GPHN: variants seen among roughly 807,000 people sequenced by gnomAD.
GPHN encodes the protein gephyrin.
GPHN carries 17 observed loss-of-function variants against 95.5 expected under a neutral mutation model. The ratio of observed to expected loss-of-function variants is 0.18; its 90% CI spans 0.12 to 0.27. GPHN has a LOEUF of 0.27. Ranked by LOEUF, GPHN falls within the 10% of genes least tolerant of loss-of-function variation. The probability of loss-of-function intolerance (pLI) is 1.00; values close to 1 mark genes in which losing one functional copy is unlikely to be tolerated. For synonymous variants in GPHN, 320 were observed against 322.5 expected (o/e 0.99, Z 0.08); for missense variants, 660 against 978.1 (o/e 0.67, Z 4.34).
chr14:67,484,065 G>GCTGT, the GPHN span, among the ~76,000 whole-genome samples: 1 of 152,218 alleles, frequency 6.6e-6, no homozygotes, highest in Non-Finnish European at 1.5e-5. Context: ...TCTCAGCTGA[G>GCTGT]CTGTCATATC....
chr14:67,715,035 C>T, the GPHN span: 1 of 152,240 alleles, frequency 6.6e-6, no homozygotes, highest in South Asian at 2.1e-4. Flanking sequence ...AGTCTAAGGG[C>T]CAAGATAACT....
At chr14:67,323,615 AATATAT>A in the GPHN span, 65 of 260,298 alleles carry the variant, frequency 2.5e-4, no homozygotes, top group Middle Eastern at 1.4e-3. Context: ...CCCTTAATCT[AATATAT>A]ATATATATAT....
chr14:67,188,983 G>T, the GPHN span, among the ~76,000 whole-genome samples: 2 of 151,986 alleles, frequency 1.3e-5, no homozygotes, highest in African/African-American at 4.8e-5. Context: ...GAGCCACTGC[G>T]CCCGGCCTCA....
the GPHN span, chr14:67,473,532 A>G: frequency 6.2e-7 from 1 of 1,614,124 alleles, no homozygotes; most frequent in East Asian, 2.2e-5. This position sits in a 1 kb window ranked among gnomAD's most constrained non-coding sequence, Gnocchi z 6.5. Context: ...GAACTGCTCC[A>G]TGATGAGGGC....
intron 1 of GPHN, among the ~76,000 whole-genome samples, chr14:66,626,884 T>C (rs67205190): frequency 0.31 from 47,785 of 151,978 alleles, 11,533 homozygotes; most frequent in African/African-American, 0.65. Flanking sequence ...TTTGTGATCC[T>C]ACAAATTATA....
chr14:66,511,052 C>G (rs1394244681), intron 1 of GPHN, among the ~76,000 whole-genome samples: 2 of 152,150 alleles, frequency 1.3e-5, no homozygotes, highest in Non-Finnish European at 2.9e-5. Flanking sequence ...AGAAGTAACT[C>G]AGGCTTTTTC....
the GPHN span, among the ~76,000 whole-genome samples, chr14:67,207,582 G>A: frequency 6.6e-6 from 1 of 152,086 alleles, no homozygotes; most frequent in Non-Finnish European, 1.5e-5. Context: ...AGGGGCAGTG[G>A]AAAGAAGAAG....
the GPHN span, among the ~76,000 whole-genome samples, chr14:67,639,956 G>T: frequency 6.8e-6 from 1 of 147,712 alleles, no homozygotes; most frequent in African/African-American, 2.5e-5. Context: ...AAAAGTCTGT[G>T]CAGTCCAGGA....
the GPHN span, chr14:67,727,633 A>T: frequency 9.1e-6 from 2 of 218,906 alleles, no homozygotes; most frequent in Admixed American, 1.1e-4. Flanking sequence ...CAAGCACGCA[A>T]TATCACGCCT....
chr14:67,302,752 A>T, the GPHN span, among the ~76,000 whole-genome samples: 7 of 152,006 alleles, frequency 4.6e-5, no homozygotes, highest in Admixed American at 3.9e-4. Context: ...TACCACTGAT[A>T]TTTTTTTACT....
At chr14:66,871,431 C>T (rs2063429577) in intron 4 of GPHN, among the ~76,000 whole-genome samples, 1 of 152,124 alleles carries the variant, frequency 6.6e-6, no homozygotes, top group Non-Finnish European at 1.5e-5. Context: ...TTAACACTAT[C>T]CAAGAAGTTC....
rs141770429 is a variant in GPHN at position 66,904,610 on chromosome 14, C to A, written c.390-11393C>A. Among the ~76,000 whole-genome samples the A allele has an allele frequency of 5.0e-3, 764 of 152,258 alleles. 2 individuals are homozygous for A. The highest frequency in any genetic ancestry group is 8.0e-3 in the Non-Finnish European group (541 of 67,992). On this transcript the variant is annotated intron_variant, in intron 5 of 22. Transcript: ENST00000478722. ...GACCCAGGAAGTCCAGCTGGCTTCA[C>A]CTCTCAATGCCCCCTTTAGACAGGA...
At chr14:66,990,179 A>G (rs1387527508) in intron 9 of GPHN, among the ~76,000 whole-genome samples, 2 of 152,080 alleles carry the variant, frequency 1.3e-5, no homozygotes, top group Non-Finnish European at 2.9e-5. Flanking sequence ...CATCAGATCT[A>G]GTGAGAACTC....
At chr14:66,902,872 G>T (rs2065186899) in intron 5 of GPHN, among the ~76,000 whole-genome samples, 1 of 152,030 alleles carries the variant, frequency 6.6e-6, no homozygotes, top group Non-Finnish European at 1.5e-5. Flanking sequence ...TGGCCGCATA[G>T]AATGACTTTG....
chr14:67,574,389 G>A, the GPHN span: 9 of 1,576,184 alleles, frequency 5.7e-6, no homozygotes, highest in East Asian at 1.8e-4. The surrounding 1 kb of genome is among the most constrained non-coding windows in gnomAD (Gnocchi z 4.2). Context: ...CACCGTGAAG[G>A]GCTGGCTGAC....
intron 2 of GPHN, among the ~76,000 whole-genome samples, chr14:66,687,732 G>T (rs186754053): frequency 2.0e-5 from 3 of 151,834 alleles, no homozygotes; most frequent in African/African-American, 4.8e-5. Context: ...CAGGTGATCC[G>T]CCCACCTCGG....
chr14:67,717,615 C>T, the GPHN span, among the ~76,000 whole-genome samples: 6 of 152,224 alleles, frequency 3.9e-5, no homozygotes, highest in African/African-American at 1.2e-4. Context: ...GGTGATTTTG[C>T]CCCATAGTGA....
At position 67,017,477 on chromosome 14, in the gene GPHN, A is replaced by G. The variant is rs1479351412; in HGVS notation, c.964-6156A>G. Among the ~76,000 whole-genome samples the G allele has an allele frequency of 3.3e-5, 5 of 152,090 alleles. 1 individual carries two copies. In the South Asian group the frequency reaches 8.3e-4, roughly 25 times the overall value. On this transcript the variant is annotated intron_variant, in intron 9 of 22. Coordinates refer to ENST00000478722, the MANE Select transcript of GPHN (RefSeq NM_020806.5). The stretch of plus-strand genomic sequence containing the variant: ...TCCTTCCTCTTAATCTTATGAGTAG[A>G]TGGTACTCAAAGAAGTTCATTCTTT...
intron 4 of GPHN, among the ~76,000 whole-genome samples, chr14:66,854,304 A>T (rs1360887051): frequency 2.0e-5 from 3 of 152,166 alleles, no homozygotes; most frequent in African/African-American, 7.2e-5. Context: ...CATTCCTTTT[A>T]TCCCAAATAA....
Sources: allele counts gnomAD v4.1 joint callset (sites outside exome capture counted in the v4.1 genomes callset), GRCh38; gene constraint gnomAD v4.1.1; non-coding constraint Gnocchi (gnomAD v3.1); transcripts MANE v1.5; gene names NCBI Gene and HGNC (gene_info 2026-07-23, HGNC 2026-07-21).